DNAH12: variants seen among roughly 807,000 people sequenced by gnomAD.
DNAH12 encodes axonemal beta dynein heavy chain 12.
In DNAH12, 285 loss-of-function variants were observed where a neutral mutation model predicts 371.5. The observed-to-expected ratio is 0.77, with a 90% confidence interval of 0.70 to 0.85. The LOEUF (loss-of-function observed/expected upper bound fraction) is 0.85. DNAH12 is among the 40% of genes least tolerant of loss of function. The pLI is 0.00. For missense variants in DNAH12, 3,611 were observed against 3,689.4 expected (o/e 0.98, Z 0.55); for synonymous variants, 1,200 against 1,213.0 (o/e 0.99, Z 0.22).
At chr3:57,310,462 G>A (rs2061562188) in intron 67 of DNAH12, among the ~76,000 whole-genome samples, 1 of 152,128 alleles carries the variant, frequency 6.6e-6, no homozygotes, top group African/African-American at 2.4e-5. Context: ...GCCTAAGAGG[G>A]TAAAGTTTTT....
At chr3:57,337,138 G>A (rs1477750635) in intron 60 of DNAH12, among the ~76,000 whole-genome samples, 1 of 152,072 alleles carries the variant, frequency 6.6e-6, no homozygotes, top group South Asian at 2.1e-4. Context: ...AAGTTAAAAA[G>A]TACCAAGAGA....
chr3:57,326,227 C>T (rs7638879), intron 62 of DNAH12, among the ~76,000 whole-genome samples: 47,700 of 150,776 alleles, frequency 0.32, 8,267 homozygotes, highest in African/African-American at 0.45. Flanking sequence ...AGATACTCCT[C>T]GAGAAGAGCA....
intron 43 of DNAH12, among the ~76,000 whole-genome samples, chr3:57,402,917 T>C (rs2063914330): frequency 6.6e-6 from 1 of 152,218 alleles, no homozygotes; most frequent in African/African-American, 2.4e-5. Context: ...TATCAAAATA[T>C]CACATGTACC....
chr3:57,408,051 C>G (rs1553681865), intron 40 of DNAH12, among the ~76,000 whole-genome samples: 1 of 152,098 alleles, frequency 6.6e-6, no homozygotes, highest in African/African-American at 2.4e-5. Context: ...AAAACAGCCT[C>G]TGGAATGTCA....
intron 1 of DNAH12, among the ~76,000 whole-genome samples, chr3:57,543,315 G>GTT (rs5849214): frequency 0.019 from 1,353 of 70,230 alleles, 127 homozygotes; most frequent in African/African-American, 0.067. Context: ...ATCATTAATG[G>GTT]TTTTTTTTTT....
chr3:57,537,688 GTT>G (rs372481977), intron 2 of DNAH12, among the ~76,000 whole-genome samples: 3 of 140,580 alleles, frequency 2.1e-5, no homozygotes, highest in South Asian at 4.5e-4. Context: ...GTTTCTAAAA[GTT>G]TTTTTTTTTT....
intron 70 of DNAH12, among the ~76,000 whole-genome samples, chr3:57,297,655 C>T (rs2061260926): frequency 6.6e-6 from 1 of 152,070 alleles, no homozygotes; most frequent in Non-Finnish European, 1.5e-5. Flanking sequence ...CGCGCCCGGC[C>T]CCCAGTTCCT....
intron 4 of DNAH12, among the ~76,000 whole-genome samples, chr3:57,519,355 T>C (rs1198247783): frequency 1.3e-5 from 2 of 152,160 alleles, no homozygotes; most frequent in Non-Finnish European, 2.9e-5. Flanking sequence ...TGTATAGAAA[T>C]GGGTAAATTA....
chr3:57,499,267 T>G (rs969972084), intron 11 of DNAH12, among the ~76,000 whole-genome samples: 6 of 152,040 alleles, frequency 3.9e-5, no homozygotes, highest in Non-Finnish European at 7.4e-5. Context: ...GTAGGAGAAA[T>G]GTTCTACATC....
intron 45 of DNAH12, among the ~76,000 whole-genome samples, chr3:57,389,284 T>G (rs1439525345): frequency 6.6e-6 from 1 of 152,050 alleles, no homozygotes; most frequent in Admixed American, 6.6e-5. Flanking sequence ...TGCTTCATTT[T>G]TAATCATCCT....
the DNAH12 span, among the ~76,000 whole-genome samples, chr3:57,555,022 G>C: frequency 2.6e-5 from 4 of 152,072 alleles, no homozygotes; most frequent in Non-Finnish European, 5.9e-5. Context: ...AAGGCGGGGG[G>C]CTTGCTTGAG....
intron 58 of DNAH12, among the ~76,000 whole-genome samples, chr3:57,362,364 T>A (rs1399659486): frequency 1.3e-5 from 2 of 152,214 alleles, no homozygotes; most frequent in African/African-American, 4.8e-5. Context: ...TGATTTATAA[T>A]CCTTTGGGTA....
At chr3:57,553,210 C>T in the DNAH12 span, among the ~76,000 whole-genome samples, 1 of 152,060 alleles carries the variant, frequency 6.6e-6, no homozygotes, top group Non-Finnish European at 1.5e-5. Flanking sequence ...AAAGAAAACA[C>T]AAAACTAACC....
intron 30 of DNAH12, 137 bp from the exon 31 acceptor site, chr3:57,433,965 G>C (rs1359483988): frequency 1.4e-6 from 1 of 707,830 alleles, no homozygotes. Flanking sequence ...CAGACATGAA[G>C]AAAACATATT....
chr3:57,533,665 T>C (rs1441670642), intron 2 of DNAH12, among the ~76,000 whole-genome samples: 2 of 152,200 alleles, frequency 1.3e-5, no homozygotes, highest in Non-Finnish European at 2.9e-5. Flanking sequence ...GGGCCCAGAA[T>C]GGGGTTCTCA....
chr3:57,399,403 G>C (rs1307610508), intron 43 of DNAH12, among the ~76,000 whole-genome samples: 5 of 151,576 alleles, frequency 3.3e-5, no homozygotes, highest in African/African-American at 1.2e-4. Flanking sequence ...TTAAAAAAAA[G>C]ATCCATTAAT....
chr3:57,421,597 T>C lies in DNAH12; in HGVS notation c.5483A>G (p.Glu1828Gly), dbSNP rs541958141. 2 of 1,551,682 alleles carry C rather than the reference T, an allele frequency of 1.3e-6. No individual in the cohort carries two copies. Among genetic ancestry groups the C allele is most frequent in the Non-Finnish European group, 1.7e-6 (2 of 1,146,986 alleles). Residue 1828 changes from glutamate (E) to glycine (G), a missense_variant, in exon 36 of 74, where the codon GAA (glutamate) becomes GGA (glycine). By Grantham distance (98) the Glu-to-Gly change is moderately conservative. Transcript: ENST00000495027. ...IRLIILGKDDENPVPDSVGKW... is the reference protein window; with the variant it reads ...IRLIILGKDDGNPVPDSVGKW... Reference sequence around the variant, plus strand: ...ACCCACAGAATCTGGCACTGGGTTTTCATCATCTTTTCCCAGTATGATTAA... The same window carrying C: ...ACCCACAGAATCTGGCACTGGGTTTCCATCATCTTTTCCCAGTATGATTAA...
In DNAH12 at chr3:57,542,842, G is replaced by A; in HGVS notation, c.29C>T (p.Ala10Val). ...CAAGTTCAGAGCTTCCTTTTCTGCT[G>A]CAATGGCAGCTTTGTTTGCATCTGA... MSDANKAAI[A>V]AEKEALNLKL... The change falls in exon 2 of 74, where the codon GCA becomes GTA. Residue 10 changes from alanine to valine, a missense_variant. Ala to Val is a moderately conservative substitution (Grantham distance 64). Around this residue, in one of 3 missense-constraint regions of DNAH12, gnomAD observed 1,314 missense variants for 1,398.7 expected, o/e 0.94. Coordinates refer to ENST00000495027, the MANE Select transcript of DNAH12 (RefSeq NM_001366028.2). 2 of 1,597,834 alleles carry A rather than the reference G, an allele frequency of 1.3e-6. No individual in the cohort carries two copies. The highest frequency in any genetic ancestry group is 1.7e-6 in the Non-Finnish European group (2 of 1,175,068).
At chr3:57,473,673 TTATACATATG>T (rs1006670075) in intron 13 of DNAH12, among the ~76,000 whole-genome samples, 2 of 144,972 alleles carry the variant, frequency 1.4e-5, no homozygotes, top group East Asian at 3.9e-4. Context: ...TGATTTTATA[TTATACATATG>T]TATACATATA....
Sources: gnomAD v4.1 joint callset for allele counts (sites outside exome capture counted in the v4.1 genomes callset) on GRCh38, gnomAD v4.1.1 for gene constraint, gnomAD v4.1.1 regional missense constraint, MANE v1.5 for transcripts, NCBI Gene and HGNC (gene_info 2026-07-23, HGNC 2026-07-21) for gene names.